STMND1: variants seen among roughly 807,000 people sequenced by gnomAD.
STMND1 encodes the protein stathmin domain containing 1, also known as stathmin domain-containing protein 1.
STMND1 carries 17 observed loss-of-function variants against 23.0 expected under a neutral mutation model. That is an observed-to-expected ratio of 0.74 (90% CI 0.51 to 1.11). STMND1 has a LOEUF of 1.11. Among genes scored for constraint, STMND1 ranks in the 50% least tolerant of loss-of-function variants. The probability of loss-of-function intolerance (pLI) is 0.00; values close to 1 mark genes in which losing one functional copy is unlikely to be tolerated. For synonymous variants in STMND1, 114 were observed against 119.9 expected (o/e 0.95, Z 0.32); for missense variants, 305 against 329.1 (o/e 0.93, Z 0.57).
chr6:17,114,544 G>A lies in STMND1; in HGVS notation c.82-418G>A, dbSNP rs557151910. On this transcript the variant is annotated intron_variant, in intron 1 of 4. Coordinates refer to ENST00000536551, the MANE Select transcript of STMND1 (RefSeq NM_001190766.2). ...GCCTCCCAAAGTGCTGGGATTACAG[G>A]CGTGAGCCACTGCGCCCGGCCACAT... Among the ~76,000 whole-genome samples, 10 of 152,334 alleles carry A rather than the reference G, an allele frequency of 6.6e-5. No homozygotes were observed. The East Asian group carries it at 1.9e-3, about 29-fold the overall frequency.
In STMND1 at chr6:17,129,231, G is replaced by C. The variant is rs1249796087; in HGVS notation, c.531G>C (p.Glu177Asp). ...TCGAGGAGAAGATGGAGGCTGCCGA[G>C]GAGCGCAGGAAGGTAGTGAGCTCTC... Reference protein sequence around the residue: ...KDIEEKMEAAEERRKTKEEEI... With the variant: ...KDIEEKMEAADERRKTKEEEI... Residue 177 changes from glutamate to aspartate, a missense_variant, in exon 4 of 5, where the codon GAG becomes GAC. Physicochemically the swap from Glu to Asp is conservative, Grantham distance 45. Coordinates refer to ENST00000536551, the MANE Select transcript of STMND1 (RefSeq NM_001190766.2). The C allele has an allele frequency of 2.0e-6, 3 of 1,535,836 alleles. No homozygotes were observed. The highest frequency in any genetic ancestry group is 2.6e-6 in the Non-Finnish European group (3 of 1,146,824).
At chr6:17,127,179 A>C (rs1472737195) in intron 3 of STMND1, among the ~76,000 whole-genome samples, 1 of 152,260 alleles carries the variant, frequency 6.6e-6, no homozygotes, top group Non-Finnish European at 1.5e-5. Flanking sequence ...TTTTAAAACC[A>C]ATCCCAAAAT....
intron 1 of STMND1, among the ~76,000 whole-genome samples, chr6:17,107,665 G>A (rs138540814): frequency 1.2e-4 from 19 of 152,104 alleles, no homozygotes; most frequent in Admixed American, 3.3e-4. Context: ...GTACAATCAC[G>A]GCTTTCTGCA....
chr6:17,115,577 T>C (rs1761149081), intron 2 of STMND1, among the ~76,000 whole-genome samples: 1 of 152,120 alleles, frequency 6.6e-6, no homozygotes, highest in African/African-American at 2.4e-5. Context: ...TATCAGCAAA[T>C]ATACAACAAA....
intron 4 of STMND1, among the ~76,000 whole-genome samples, chr6:17,129,565 C>G (rs536810833): frequency 2.6e-5 from 4 of 151,778 alleles, no homozygotes; most frequent in Admixed American, 6.6e-5. Flanking sequence ...AAATTGTTGG[C>G]CAGGCGCGGT....
At chr6:17,110,303 G>T (rs1046102586) in intron 1 of STMND1, among the ~76,000 whole-genome samples, 1 of 152,136 alleles carries the variant, frequency 6.6e-6, no homozygotes, top group Non-Finnish European at 1.5e-5. Flanking sequence ...AGGATTGCTT[G>T]AATCCATGCA....
At chr6:17,112,333 A>T (rs558133448) in intron 1 of STMND1, among the ~76,000 whole-genome samples, 8 of 152,276 alleles carry the variant, frequency 5.3e-5, no homozygotes, top group African/African-American at 1.7e-4. Flanking sequence ...CCTTTGGATG[A>T]CTGTACCACA....
rs923304297 is a variant in STMND1 at position 17,131,193 on chromosome 6, G to A, written c.*312G>A. The A allele has an allele frequency of 3.2e-5, 8 of 250,474 alleles. No homozygotes were observed. Among genetic ancestry groups the A allele is most frequent in the Middle Eastern group, 1.3e-3 (1 of 796 alleles). The allele number at this position is 250,474 out of a possible 1,614,324, so 15.5% of individuals were successfully genotyped here. A position where few individuals can be genotyped will look rare whatever the true frequency, so the allele number is the denominator to read the frequency against. On this transcript the variant is annotated 3_prime_UTR_variant, in exon 5 of 5. Coordinates refer to ENST00000536551, the MANE Select transcript of STMND1 (RefSeq NM_001190766.2). ...GCCTTCAGTTTACATTAATAAGTTC[G>A]TGCCAAATGAAATCCTTCCTGTTTA...
At chr6:17,109,376 A>G (rs1761068890) in intron 1 of STMND1, among the ~76,000 whole-genome samples, 1 of 152,238 alleles carries the variant, frequency 6.6e-6, no homozygotes, top group Non-Finnish European at 1.5e-5. Flanking sequence ...CAAGCATGCA[A>G]GAATCCCTAA....
At chr6:17,116,701 A>T (rs1761165511) in intron 2 of STMND1, among the ~76,000 whole-genome samples, 1 of 152,064 alleles carries the variant, frequency 6.6e-6, no homozygotes, top group African/African-American at 2.4e-5. Context: ...CAGCCTCCCA[A>T]AGTGTTGAGA....
At chr6:17,102,396 G>A in intron 1 of STMND1, 58 bp downstream of exon 1, 3 of 1,530,534 alleles carry the variant, frequency 2.0e-6, no homozygotes, top group East Asian at 4.9e-5. Flanking sequence ...TTGCCTGGGA[G>A]GTCTCGCGAT....
At chr6:17,106,087 A>G (rs1214163821) in intron 1 of STMND1, among the ~76,000 whole-genome samples, 1 of 151,948 alleles carries the variant, frequency 6.6e-6, no homozygotes, top group Non-Finnish European at 1.5e-5. Context: ...CCCTAGCTCC[A>G]TGCCTTTGCA....
chr6:17,113,143 A>G lies in STMND1; in HGVS notation c.82-1819A>G, dbSNP rs116757361. 5.3e-3 allele frequency among the ~76,000 whole-genome samples: 805 copies of G among 152,282 alleles called. 5 individuals are homozygous for G. The highest frequency in any genetic ancestry group is 0.019 in the African/African-American group (771 of 41,556). On this transcript the variant is annotated intron_variant, in intron 1 of 4. Coordinates refer to ENST00000536551, the MANE Select transcript of STMND1 (RefSeq NM_001190766.2). ...TGTTAGTAGTGCTTCTGTCTAGAAGATATAATTTCTTATTTTCTACTGTGT... is the reference window on the plus strand; with the variant it reads ...TGTTAGTAGTGCTTCTGTCTAGAAGGTATAATTTCTTATTTTCTACTGTGT...
At chr6:17,109,128 G>C (rs1294467659) in intron 1 of STMND1, among the ~76,000 whole-genome samples, 1 of 152,154 alleles carries the variant, frequency 6.6e-6, no homozygotes, top group East Asian at 1.9e-4. Flanking sequence ...AAGGACAGAT[G>C]GACGGAGACA....
intron 1 of STMND1, among the ~76,000 whole-genome samples, chr6:17,105,117 ATG>A (rs1203164976): frequency 5.9e-5 from 9 of 152,220 alleles, no homozygotes; most frequent in Non-Finnish European, 5.9e-5. Context: ...ATACAGAAGG[ATG>A]TGCATAGATT....
intron 1 of STMND1, 135 bp from the exon 2 acceptor site, chr6:17,114,827 C>G: frequency 1.0e-6 from 1 of 954,936 alleles, no homozygotes; most frequent in East Asian, 2.9e-5. Context: ...TTGGGGACCC[C>G]GATCTATGGC....
chr6:17,105,786 G>T (rs189505270), intron 1 of STMND1, among the ~76,000 whole-genome samples: 32 of 152,178 alleles, frequency 2.1e-4, no homozygotes, highest in African/African-American at 6.3e-4. Context: ...TTAGCCGGGC[G>T]TGATGGCGGG....
At chr6:17,113,914 T>G (rs1294710119) in intron 1 of STMND1, among the ~76,000 whole-genome samples, 1 of 152,218 alleles carries the variant, frequency 6.6e-6, no homozygotes, top group East Asian at 1.9e-4. Context: ...TTTTACCTGG[T>G]AGATGCCTAT....
Position 17,126,070 on chromosome 6 carries a change from ATTTTTTT to A in STMND1, c.412-3020_412-3014del, listed in dbSNP as rs1189845838. 7.6e-3 allele frequency among the ~76,000 whole-genome samples: 155 copies of A among 20,364 alleles called. 2 individuals carry two copies. Among genetic ancestry groups the A allele is most frequent in the Middle Eastern group, 0.056 (1 of 18 alleles). The allele number at this position is 20,364 out of a possible 152,430, so 13.4% of individuals were successfully genotyped here. On this transcript the variant is annotated intron_variant, in intron 3 of 4. Transcript: ENST00000536551. ...TATATATATATATATATATATATAT[ATTTTTTT>A]TTTTTTTTTTTTTTTTTTTTTAAAG... is the stretch of plus-strand genomic sequence containing the variant.
Sources: allele counts gnomAD v4.1 joint callset (sites outside exome capture counted in the v4.1 genomes callset), GRCh38; gene constraint gnomAD v4.1.1; transcripts MANE v1.5; gene names NCBI Gene and HGNC (gene_info 2026-07-23, HGNC 2026-07-21).